Variants in CRNKL1 observed in about 807,000 individuals in gnomAD.
CRNKL1 encodes crooked neck-like protein 1.
Under a neutral mutation model 103.7 loss-of-function variants are expected in CRNKL1, and 35 were observed. The ratio of observed to expected loss-of-function variants is 0.34; its 90% CI spans 0.26 to 0.45. The LOEUF is 0.45. Among genes scored for constraint, CRNKL1 ranks in the 20% least tolerant of loss-of-function variants. The probability of loss-of-function intolerance (pLI) is 1.00; values close to 1 mark genes in which losing one functional copy is unlikely to be tolerated. For synonymous variants in CRNKL1, 267 were observed against 282.6 expected, an observed-to-expected ratio of 0.94 and a Z score of 0.55; for missense variants, 645 against 836.0, an observed-to-expected ratio of 0.77 and a Z score of 2.82.
At chr20:20,036,575 T>C (rs1336987136) in intron 13 of CRNKL1, among the ~76,000 whole-genome samples, 2 of 152,186 alleles carry the variant, frequency 1.3e-5, no homozygotes, top group Non-Finnish European at 2.9e-5. Flanking sequence ...AGAAAAACAT[T>C]CTAAAAATCT....
intron 2 of CRNKL1, among the ~76,000 whole-genome samples, 171 bp from the exon 3 acceptor site, chr20:20,049,602 C>T (rs2043652502): frequency 6.6e-6 from 1 of 152,172 alleles, no homozygotes; most frequent in Non-Finnish European, 1.5e-5. Context: ...AGGTTACAGT[C>T]AACTAACTGA....
upstream of CRNKL1, chr20:20,052,748 C>G (rs2043839784): frequency 6.4e-7 from 1 of 1,570,408 alleles, no homozygotes; most frequent in Non-Finnish European, 8.7e-7. Flanking sequence ...AACGGAGCTC[C>G]AATCTGGATG....
upstream of CRNKL1, chr20:20,052,853 C>T: frequency 3.6e-6 from 3 of 841,840 alleles, no homozygotes. Context: ...ATGCCTCGAG[C>T]ATTGCATTCT....
Position 20,036,339 on chromosome 20 carries a change from G to A in CRNKL1, c.1920C>T (p.Tyr640=). 1 of 1,614,126 alleles carries A rather than the reference G, an allele frequency of 6.2e-7. No homozygotes were observed. The highest frequency in any genetic ancestry group is 8.5e-7 in the Non-Finnish European group (1 of 1,180,000). Reference sequence around the variant, plus strand: ...CATCTTCTGGAAAGATGTAATCAAAGTATTCTTCCCAGCCTGCATCAGACT... The same window carrying A: ...CATCTTCTGGAAAGATGTAATCAAAATATTCTTCCCAGCCTGCATCAGACT... The part of the protein sequence containing the change: ...DDGSDAGWEE[Y]FDYIFPEDAA... Residue 640 remains tyrosine, a synonymous_variant, in exon 14 of 14, where the codon TAC becomes TAT. Transcript: ENST00000536226.
chr20:20,052,828 C>T (rs1462803485), upstream of CRNKL1: 2 of 1,117,722 alleles, frequency 1.8e-6, no homozygotes, highest in African/African-American at 1.6e-5. Context: ...CGAGCTGCCG[C>T]CCTTTTAGGC....
intron 13 of CRNKL1, 83 bp from the exon 14 acceptor site, chr20:20,036,445 G>A (rs900057253): frequency 1.2e-5 from 15 of 1,275,580 alleles, no homozygotes; most frequent in Middle Eastern, 2.1e-4. Flanking sequence ...CTGGAAATCC[G>A]GATGATTACC....
At chr20:20,039,451 C>T (rs1274676204) in intron 11 of CRNKL1, among the ~76,000 whole-genome samples, 158 bp downstream of exon 11, 3 of 152,180 alleles carry the variant, frequency 2.0e-5, no homozygotes, top group Non-Finnish European at 4.4e-5. Context: ...CCCTGTCCCC[C>T]ACAGCCACCT....
chr20:20,050,287 C>A lies in CRNKL1; in HGVS notation c.204+183G>T, dbSNP rs149047917. Among the ~76,000 whole-genome samples the A allele has an allele frequency of 3.8e-3, 575 of 152,364 alleles. 2 individuals are homozygous for A. Among genetic ancestry groups the A allele is most frequent in the Middle Eastern group, 0.014 (4 of 294 alleles). On this transcript the variant is annotated intron_variant, in intron 2 of 13. Transcript: ENST00000536226. The stretch of plus-strand genomic sequence containing the variant: ...ATTTCTTTACACTTTAACCAGACAA[C>A]TCATGGCATATTTTATATAGTTCAG...
Position 20,035,919 on chromosome 20 carries a change from T to TTA in CRNKL1, c.*275_*276insTA, listed in dbSNP as rs1281667549. On this transcript the variant is annotated 3_prime_UTR_variant, in exon 14 of 14. Transcript: ENST00000536226. ...TATGACATGAAAAGTAACTGTAGAA[T>TTA]GTTACCTTAATTACATTTCCTAATG... is the stretch of plus-strand genomic sequence containing the variant. 6.1e-6 allele frequency: 2 copies of TTA among 329,754 alleles called. No individual in the cohort carries two copies. The highest frequency in any genetic ancestry group is 1.1e-4 in the East Asian group (2 of 17,424). 20.4% of individuals were successfully genotyped at this position (329,754 alleles called of 1,614,324 possible).
Position 20,050,633 on chromosome 20 carries a change from A to T in CRNKL1, c.52-11T>A. The T allele has an allele frequency of 6.3e-7, 1 of 1,588,204 alleles. No homozygotes were observed. The highest frequency in any genetic ancestry group is 8.5e-7 in the Non-Finnish European group (1 of 1,172,050). ...GGCTTTGTTTTTCACCTTTTAAGAAAGAAGACATTTCTATTTTTAGTAGTT... is the reference window on the plus strand; with the variant it reads ...GGCTTTGTTTTTCACCTTTTAAGAATGAAGACATTTCTATTTTTAGTAGTT... On this transcript the variant is annotated splice_polypyrimidine_tract_variant and intron_variant, in intron 1 of 13. Transcript: ENST00000536226.
At position 20,034,962 on chromosome 20, in the gene CRNKL1, G is replaced by GA. The variant is rs1354728804; in HGVS notation, c.*1232dup. The GA allele has an allele frequency of 9.9e-5, 15 of 152,248 alleles. No individual in the cohort carries two copies. The highest frequency in any genetic ancestry group is 1.9e-4 in the African/African-American group (8 of 41,552). 9.4% of individuals were successfully genotyped at this position (152,248 alleles called of 1,614,324 possible). A position where few individuals can be genotyped will look rare whatever the true frequency, so the allele number is the denominator to read the frequency against. On this transcript the variant is annotated 3_prime_UTR_variant, in exon 14 of 14. Coordinates refer to ENST00000536226, the MANE Select transcript of CRNKL1 (RefSeq NM_001278628.2). ...TTCTAGTCCTTGGGCAGTGAACAAAGAAAAAATGTGCTTGAGAAACACAGT... is the reference window on the plus strand; with the variant it reads ...TTCTAGTCCTTGGGCAGTGAACAAAGAAAAAAATGTGCTTGAGAAACACAGT...
At chr20:20,039,025 G>A (rs1041798619) in intron 11 of CRNKL1, among the ~76,000 whole-genome samples, 1 of 152,188 alleles carries the variant, frequency 6.6e-6, no homozygotes, top group Non-Finnish European at 1.5e-5. Flanking sequence ...CTTAATTAAT[G>A]CAATCAGGGG....
At chr20:20,043,373 A>T in intron 7 of CRNKL1, 119 bp downstream of exon 7, 1 of 971,988 alleles carries the variant, frequency 1.0e-6, no homozygotes, top group Non-Finnish European at 1.5e-6. Flanking sequence ...GATCACGGGC[A>T]CATCATCACG....
At chr20:20,049,300 T>C (rs772196132) in intron 3 of CRNKL1, 40 bp downstream of exon 3, 1 of 1,071,020 alleles carries the variant, frequency 9.3e-7, no homozygotes. Context: ...TGTTAATCTA[T>C]GAATCATTAT....
intron 4 of CRNKL1, 100 bp downstream of exon 4, chr20:20,048,243 G>T: frequency 7.6e-7 from 1 of 1,315,510 alleles, no homozygotes; most frequent in East Asian, 2.4e-5. Flanking sequence ...AGAAAAAGTA[G>T]GATATCAAAT....
At chr20:20,055,967 TCCC>T, upstream of CRNKL1, 2 of 1,611,254 alleles carry the variant, frequency 1.2e-6, no homozygotes, top group Non-Finnish European at 1.7e-6. Flanking sequence ...CAACAGCATT[TCCC>T]AAAGTGTCCT....
upstream of CRNKL1, among the ~76,000 whole-genome samples, chr20:20,054,170 A>G (rs1242124733): frequency 6.6e-6 from 1 of 151,504 alleles, no homozygotes; most frequent in Admixed American, 6.6e-5. Context: ...AGAATATACC[A>G]TCTCCTAGTT....
At chr20:20,051,680 C>T (rs1433537873) in intron 1 of CRNKL1, among the ~76,000 whole-genome samples, 1 of 152,214 alleles carries the variant, frequency 6.6e-6, no homozygotes, top group Middle Eastern at 3.2e-3. Context: ...GTAAAGGCTT[C>T]AAAGTCTGCC....
chr20:20,054,466 A>G (rs1301467097), upstream of CRNKL1, among the ~76,000 whole-genome samples: 3 of 152,254 alleles, frequency 2.0e-5, no homozygotes, highest in African/African-American at 7.2e-5. Context: ...ATTAAACTTT[A>G]TATGTAGTTT....
Sources: allele counts gnomAD v4.1 joint callset (sites outside exome capture counted in the v4.1 genomes callset), GRCh38; gene constraint gnomAD v4.1.1; transcripts MANE v1.5; gene names NCBI Gene and HGNC (gene_info 2026-07-23, HGNC 2026-07-21).